The following ZNF330 variants were observed in gnomAD, a reference collection of about 807,000 sequenced individuals.
The protein encoded by ZNF330 is nucleolar atypical zinc finger.
Under a neutral mutation model 45.5 loss-of-function variants are expected in ZNF330, and 31 were observed. The ratio of observed to expected loss-of-function variants is 0.68; its 90% CI spans 0.51 to 0.92. The LOEUF (loss-of-function observed/expected upper bound fraction) is 0.92. Among genes scored for constraint, ZNF330 ranks in the 40% least tolerant of loss-of-function variants. The pLI, the probability that ZNF330 is intolerant of heterozygous loss-of-function variation, is 0.00. For synonymous variants in ZNF330, 138 were observed against 123.2 expected, an observed-to-expected ratio of 1.12 and a Z score of -0.79; for missense variants, 356 against 387.4, an observed-to-expected ratio of 0.92 and a Z score of 0.68.
At chr4:141,229,251 T>G (rs552002044) in intron 5 of ZNF330, among the ~76,000 whole-genome samples, 1 of 152,282 alleles carries the variant, frequency 6.6e-6, no homozygotes, top group South Asian at 2.1e-4. Flanking sequence ...TTTATTTGAA[T>G]TAAATTCATT....
intron 5 of ZNF330, among the ~76,000 whole-genome samples, chr4:141,229,032 G>C (rs1728880076): frequency 6.6e-6 from 1 of 151,922 alleles, no homozygotes; most frequent in Non-Finnish European, 1.5e-5. Context: ...TTTCCACAAA[G>C]AAATGTAATT....
At chr4:141,231,760 G>C (rs564689694) in intron 8 of ZNF330, among the ~76,000 whole-genome samples, 1 of 152,048 alleles carries the variant, frequency 6.6e-6, no homozygotes, top group African/African-American at 2.4e-5. Context: ...TGACCAAGAT[G>C]ATGAGAGTCT....
rs540287171 is a variant in ZNF330, at chr4:141,227,600, C to T, written c.291+754C>T. Among the ~76,000 whole-genome samples the T allele has an allele frequency of 3.1e-4, 47 of 152,176 alleles. 1 individual carries two copies. In the South Asian group the frequency reaches 7.5e-3, roughly 24 times the overall value. Reference sequence around the variant, plus strand: ...TGTGAATAGTGCCACAATAAACATACGTGTGCATTTGTCTTTATAGCAGCA... The same window carrying T: ...TGTGAATAGTGCCACAATAAACATATGTGTGCATTTGTCTTTATAGCAGCA... On this transcript the variant is annotated intron_variant, in intron 5 of 9. Coordinates refer to ENST00000262990, the MANE Select transcript of ZNF330 (RefSeq NM_014487.6).
intron 5 of ZNF330, among the ~76,000 whole-genome samples, chr4:141,228,815 A>G (rs959949865): frequency 2.4e-5 from 3 of 126,714 alleles, no homozygotes; most frequent in East Asian, 3.2e-4. Context: ...CTGTAATCCA[A>G]CTCGGGACTT....
chr4:141,232,347 G>C (rs1018299936), intron 8 of ZNF330, among the ~76,000 whole-genome samples, 178 bp from the exon 9 acceptor site: 34 of 152,118 alleles, frequency 2.2e-4, no homozygotes, highest in Non-Finnish European at 4.9e-4. Flanking sequence ...TCATTGTTCA[G>C]AAGGGTCCTG....
chr4:141,233,690 C>T, intron 9 of ZNF330, 25 bp from the exon 10 acceptor site: 1 of 1,596,928 alleles, frequency 6.3e-7, no homozygotes, highest in Non-Finnish European at 8.5e-7. Flanking sequence ...TAACAAAATG[C>T]CTTGTACTTG....
intron 1 of ZNF330, among the ~76,000 whole-genome samples, chr4:141,222,140 A>C (rs969090892): frequency 1.3e-5 from 2 of 152,144 alleles, no homozygotes; most frequent in Non-Finnish European, 2.9e-5. Flanking sequence ...TGACGTTTAC[A>C]TTTTTAGAAT....
chr4:141,226,779 G>A lies in ZNF330; in HGVS notation c.224G>A (p.Cys75Tyr). 8 of 1,612,786 alleles carry A rather than the reference G, an allele frequency of 5.0e-6. No homozygotes were observed. The highest frequency in any genetic ancestry group is 5.1e-6 in the Non-Finnish European group (6 of 1,179,218). ...PICAQCGKTK[C>Y]MMKSSDCVIK... ...TTTTCTTCATTAGGGAAAACAAAGT[G>A]CATGATGAAGTCTTCAGACTGTGTC... Residue 75 changes from cysteine to tyrosine, a missense_variant, in exon 5 of 10, where the codon TGC becomes TAC. Physicochemically the swap from Cys to Tyr is radical, Grantham distance 194. Transcript: ENST00000262990.
At chr4:141,233,426 A>ATCAC (rs1368325839) in intron 9 of ZNF330, among the ~76,000 whole-genome samples, 1 of 152,176 alleles carries the variant, frequency 6.6e-6, no homozygotes, top group African/African-American at 2.4e-5. Context: ...GTGATTTGAA[A>ATCAC]ATAAACTGTC....
intron 7 of ZNF330, 116 bp from the exon 8 acceptor site, chr4:141,231,323 C>G: frequency 1.4e-6 from 1 of 723,988 alleles, no homozygotes; most frequent in East Asian, 3.0e-5. Context: ...ACCCAAAAGA[C>G]AGGCAGCTGT....
intron 5 of ZNF330, among the ~76,000 whole-genome samples, chr4:141,228,185 T>C (rs191429842): frequency 1.4e-3 from 218 of 152,020 alleles, no homozygotes; most frequent in Non-Finnish European, 2.4e-3. Flanking sequence ...TTGCTCTTTA[T>C]TTTAAGTATA....
chr4:141,234,473 T>C lies in ZNF330; in HGVS notation c.*484T>C, dbSNP rs1729038087. 6.5e-6 allele frequency: 1 copy of C among 153,162 alleles called. No homozygotes were observed. The highest frequency in any genetic ancestry group is 1.5e-5 in the Non-Finnish European group (1 of 68,720). 9.5% of individuals were successfully genotyped at this position (153,162 alleles called of 1,614,324 possible). On this transcript the variant is annotated 3_prime_UTR_variant, in exon 10 of 10. Coordinates refer to ENST00000262990, the MANE Select transcript of ZNF330 (RefSeq NM_014487.6). ...ATTCTAAATTTTCATTAAATATTCA[T>C]GTCACCTTGAGTTGTCATGATAAGT...
chr4:141,229,564 G>C lies in ZNF330; in HGVS notation c.292-7G>C, dbSNP rs1728896575. The C allele has an allele frequency of 6.2e-7, 1 of 1,612,410 alleles. No individual in the cohort carries two copies. Among genetic ancestry groups the C allele is most frequent in the African/African-American group, 1.3e-5 (1 of 74,776 alleles). ...AATGATTATGTATTCTTGTTCCTTG[G>C]TTACAGGGTGCAATATGTGACTTCT... On this transcript the variant is annotated splice_region_variant and splice_polypyrimidine_tract_variant and intron_variant, in intron 5 of 9. Transcript: ENST00000262990.
chr4:141,230,110 A>G, intron 6 of ZNF330, 56 bp from the exon 7 acceptor site: 1 of 1,250,234 alleles, frequency 8.0e-7, no homozygotes. Flanking sequence ...TATAGATATG[A>G]GTTTTTTTAA....
intron 9 of ZNF330, among the ~76,000 whole-genome samples, chr4:141,233,175 C>G (rs1728999946): frequency 6.6e-6 from 1 of 152,084 alleles, no homozygotes; most frequent in Middle Eastern, 3.2e-3. Context: ...AGAAGTTTGA[C>G]TCTTAACCAA....
At chr4:141,229,179 A>G (rs1258000128) in intron 5 of ZNF330, among the ~76,000 whole-genome samples, 1 of 152,106 alleles carries the variant, frequency 6.6e-6, no homozygotes, top group African/African-American at 2.4e-5. Context: ...GTATTTAAAA[A>G]TTCAGTGTAG....
chr4:141,224,806 C>A, intron 4 of ZNF330, 129 bp downstream of exon 4: 1 of 718,312 alleles, frequency 1.4e-6, no homozygotes. Context: ...TTACCATTAA[C>A]AAAATAACAA....
chr4:141,230,118 T>A (rs188649475), intron 6 of ZNF330, 48 bp from the exon 7 acceptor site: 8 of 1,372,274 alleles, frequency 5.8e-6, no homozygotes, highest in Middle Eastern at 2.4e-4. Flanking sequence ...TGAGTTTTTT[T>A]AAATTAAAGT....
At chr4:141,222,695 A>G (rs1728711442) in intron 2 of ZNF330, 2 of 409,104 alleles carry the variant, frequency 4.9e-6, no homozygotes, top group South Asian at 4.3e-5. Flanking sequence ...CTAGCATATT[A>G]CTTTACATAC....
Sources: gnomAD v4.1 joint callset for allele counts (sites outside exome capture counted in the v4.1 genomes callset) on GRCh38, gnomAD v4.1.1 for gene constraint, MANE v1.5 for transcripts, NCBI Gene and HGNC (gene_info 2026-07-23, HGNC 2026-07-21) for gene names.